Variants in EPHA6 observed in about 807,000 individuals in gnomAD.
The protein encoded by EPHA6 is ephrin type-A receptor 6.
Under a neutral mutation model 112.0 loss-of-function variants are expected in EPHA6, and 50 were observed. The observed-to-expected ratio is 0.45, with a 90% CI of 0.36 to 0.56. EPHA6 has a LOEUF of 0.56. Ranked by LOEUF, EPHA6 falls within the 20% of genes least tolerant of loss-of-function variation. EPHA6 has a pLI of 0.00. For missense variants in EPHA6, 1,280 were observed against 1,417.4 expected (o/e 0.90, Z 1.56); for synonymous variants, 529 against 490.7 (o/e 1.08, Z -1.03).
chr3:96,899,027 CA>C (rs556213009), intron 2 of EPHA6, among the ~76,000 whole-genome samples: 22 of 114,872 alleles, frequency 1.9e-4, no homozygotes, highest in Admixed American at 4.8e-4. Context: ...AACTCCATCT[CA>C]AAAAAAAAAA....
chr3:97,096,162 A>G (rs1166029947), intron 3 of EPHA6, among the ~76,000 whole-genome samples: 1 of 151,822 alleles, frequency 6.6e-6, no homozygotes, highest in Non-Finnish European at 1.5e-5. Flanking sequence ...AAGCTATTTT[A>G]TACGTATCCA....
intron 3 of EPHA6, among the ~76,000 whole-genome samples, chr3:97,090,333 A>C (rs1239966329): frequency 6.6e-6 from 1 of 152,098 alleles, no homozygotes; most frequent in Non-Finnish European, 1.5e-5. Flanking sequence ...TTGTTTGTAT[A>C]TAAATTATGG....
At chr3:96,982,379 T>G (rs28814642) in intron 2 of EPHA6, among the ~76,000 whole-genome samples, 1 of 152,222 alleles carries the variant, frequency 6.6e-6, no homozygotes, top group Non-Finnish European at 1.5e-5. Context: ...GTGAGTTTCT[T>G]AATCCTGAGT....
At chr3:97,002,596 A>T (rs971484694) in intron 3 of EPHA6, among the ~76,000 whole-genome samples, 1 of 151,822 alleles carries the variant, frequency 6.6e-6, no homozygotes, top group Non-Finnish European at 1.5e-5. Context: ...TCTTTAATTT[A>T]TTAAAAACTG....
chr3:96,877,753 A>T (rs2037059305), intron 2 of EPHA6, among the ~76,000 whole-genome samples: 1 of 151,910 alleles, frequency 6.6e-6, no homozygotes, highest in Admixed American at 6.6e-5. Context: ...GTTTTATTTT[A>T]GCAAAGCAAA....
rs2035923426 is a variant in EPHA6, at chr3:97,752,373, C to T, written c.*3672C>T. The T allele has an allele frequency of 4.5e-6, 1 of 224,560 alleles. No individual in the cohort carries two copies. The highest frequency in any genetic ancestry group is 1.8e-4 in the South Asian group (1 of 5,460). 13.9% of individuals were successfully genotyped at this position (224,560 alleles called of 1,614,324 possible). On this transcript the variant is annotated 3_prime_UTR_variant, in exon 18 of 18. Coordinates refer to ENST00000389672, the MANE Select transcript of EPHA6 (RefSeq NM_001080448.3). ...CTTTTCCTACCAAATTTCTGCTCTA[C>T]AAGGCAGTCAGTTAAATCTCTCATT... is the stretch of plus-strand genomic sequence containing the variant.
At chr3:97,414,792 T>G (rs758628800) in intron 6 of EPHA6, among the ~76,000 whole-genome samples, 8 of 152,088 alleles carry the variant, frequency 5.3e-5, no homozygotes, top group Non-Finnish European at 1.2e-4. Context: ...AAAGGAAATC[T>G]GCCCAGAAAA....
intron 3 of EPHA6, among the ~76,000 whole-genome samples, chr3:97,002,419 T>TC (rs1314181546): frequency 7.4e-5 from 11 of 147,700 alleles, no homozygotes; most frequent in African/African-American, 2.4e-4. Flanking sequence ...TTTTTTTTTT[T>TC]CAGAAATTCT....
intron 5 of EPHA6, among the ~76,000 whole-genome samples, chr3:97,287,186 A>G (rs2080497451): frequency 6.6e-6 from 1 of 152,146 alleles, no homozygotes; most frequent in African/African-American, 2.4e-5. Context: ...TGTCACCTAC[A>G]AACAGAAACC....
intron 3 of EPHA6, among the ~76,000 whole-genome samples, chr3:97,138,069 T>C (rs566147837): frequency 1.2e-4 from 18 of 152,200 alleles, no homozygotes; most frequent in African/African-American, 3.1e-4. Flanking sequence ...GAAGCAGAGC[T>C]TCCTGCTTGG....
intron 5 of EPHA6, among the ~76,000 whole-genome samples, chr3:97,277,816 G>C (rs1318112390): frequency 6.6e-6 from 1 of 152,180 alleles, no homozygotes; most frequent in African/African-American, 2.4e-5. Context: ...CCAAGTCAGT[G>C]AGTGAGTGAG....
chr3:97,239,811 A>G (rs948809568), intron 4 of EPHA6, among the ~76,000 whole-genome samples: 9 of 151,826 alleles, frequency 5.9e-5, no homozygotes, highest in African/African-American at 1.9e-4. Context: ...AGATTCCTCA[A>G]TGTAAGTAGA....
intron 10 of EPHA6, among the ~76,000 whole-genome samples, chr3:97,484,466 T>G (rs1341116333): frequency 6.6e-6 from 1 of 152,140 alleles, no homozygotes; most frequent in African/African-American, 2.4e-5. Flanking sequence ...AAGATAAAAT[T>G]TGGTTCAATG....
chr3:96,857,040 C>T (rs909354944), intron 1 of EPHA6, among the ~76,000 whole-genome samples: 13 of 152,140 alleles, frequency 8.5e-5, no homozygotes, highest in African/African-American at 9.6e-5. Context: ...TTAATAGTTT[C>T]GGAACATTAT....
At chr3:97,225,025 C>G (rs1192405554) in intron 3 of EPHA6, among the ~76,000 whole-genome samples, 1 of 151,884 alleles carries the variant, frequency 6.6e-6, no homozygotes, top group African/African-American at 2.4e-5. Context: ...CCGCGATCTC[C>G]GCTCACTGCA....
intron 11 of EPHA6, among the ~76,000 whole-genome samples, chr3:97,591,545 C>CTTGTT (rs1374040602): frequency 1.6e-4 from 24 of 150,964 alleles, no homozygotes; most frequent in Admixed American, 1.1e-3. Context: ...ATCAGTGTAA[C>CTTGTT]TTGTTTTGTT....
chr3:97,282,943 C>T (rs2080337900), intron 5 of EPHA6, among the ~76,000 whole-genome samples: 1 of 152,096 alleles, frequency 6.6e-6, no homozygotes, highest in African/African-American at 2.4e-5. Context: ...CACACATTTA[C>T]CTGTGTAACA....
chr3:97,287,358 A>AT (rs1338074045), intron 5 of EPHA6, among the ~76,000 whole-genome samples: 2 of 152,062 alleles, frequency 1.3e-5, no homozygotes, highest in African/African-American at 2.4e-5. Flanking sequence ...TCTCTTCATG[A>AT]TAAAAAAAAC....
chr3:97,649,483 C>T (rs1298562208), intron 14 of EPHA6, among the ~76,000 whole-genome samples: 1 of 151,996 alleles, frequency 6.6e-6, no homozygotes, highest in Middle Eastern at 3.2e-3. Flanking sequence ...TAAGAACAAG[C>T]TCCTTCAGAG....
Sources: allele counts gnomAD v4.1 joint callset (sites outside exome capture counted in the v4.1 genomes callset), GRCh38; gene constraint gnomAD v4.1.1; transcripts MANE v1.5; gene names NCBI Gene and HGNC (gene_info 2026-07-23, HGNC 2026-07-21).